The following CFAP221 variants were observed in gnomAD, a reference collection of about 807,000 sequenced individuals.
The protein encoded by CFAP221 is cilia and flagella associated protein 221, also known as cilia- and flagella-associated protein 221.
In CFAP221, 97 loss-of-function variants were observed where a neutral mutation model predicts 113.1. The ratio of observed to expected loss-of-function variants is 0.86; its 90% CI spans 0.73 to 1.02. The LOEUF (loss-of-function observed/expected upper bound fraction) is 1.02, where lower values mean the gene tolerates loss of function less well. Ranked by LOEUF, CFAP221 falls within the 50% of genes least tolerant of loss-of-function variation. The pLI, the probability that CFAP221 is intolerant of heterozygous loss-of-function variation, is 0.00. For synonymous variants in CFAP221, 331 were observed against 354.4 expected (o/e 0.93, Z 0.74); for missense variants, 1,025 against 1,013.4 (o/e 1.01, Z -0.16).
rs1266360739 is a variant in CFAP221, at chr2:119,638,244, C to T, written c.1975-15C>T. 1 of 1,612,768 alleles carries T rather than the reference C, an allele frequency of 6.2e-7. No homozygotes were observed. The highest frequency in any genetic ancestry group is 8.5e-7 in the Non-Finnish European group (1 of 1,179,286). The stretch of plus-strand genomic sequence containing the variant: ...TGGTAAACAGAAAAGAATATTTTTT[C>T]CCTGTCTTCGGCAGAATCCCAACCC... On this transcript the variant is annotated splice_polypyrimidine_tract_variant and intron_variant, in intron 19 of 23. Coordinates refer to ENST00000413369, the MANE Select transcript of CFAP221 (RefSeq NM_001271049.2).
intron 22 of CFAP221, among the ~76,000 whole-genome samples, chr2:119,650,091 C>T (rs1448752296): frequency 4.6e-5 from 7 of 152,220 alleles, no homozygotes; most frequent in African/African-American, 2.4e-5. Flanking sequence ...GTTTATTACA[C>T]ATGAGACTAC....
chr2:119,548,885 A>T (rs767518480), intron 2 of CFAP221, among the ~76,000 whole-genome samples, 200 bp from the exon 3 acceptor site: 63 of 152,228 alleles, frequency 4.1e-4, no homozygotes, highest in Non-Finnish European at 5.7e-4. Context: ...CTCCCAAGTG[A>T]TGTTTAAAAA....
intron 11 of CFAP221, among the ~76,000 whole-genome samples, chr2:119,608,029 G>T (rs1684888402): frequency 1.3e-5 from 2 of 152,158 alleles, no homozygotes; most frequent in South Asian, 4.1e-4. Context: ...ATACCTAGGC[G>T]TGGAACTGCT....
At chr2:119,588,136 A>T (rs1017301840) in intron 7 of CFAP221, among the ~76,000 whole-genome samples, 1 of 152,228 alleles carries the variant, frequency 6.6e-6, no homozygotes, top group Non-Finnish European at 1.5e-5. Flanking sequence ...AATATTTCAG[A>T]TGTTAAGTAT....
At chr2:119,657,434 A>G (rs1688480840), downstream of CFAP221, among the ~76,000 whole-genome samples, 1 of 152,208 alleles carries the variant, frequency 6.6e-6, no homozygotes, top group South Asian at 2.1e-4. Flanking sequence ...CTGGCATAAA[A>G]CAAGAGCTCA....
At chr2:119,562,996 A>G (rs754015096) in intron 6 of CFAP221, among the ~76,000 whole-genome samples, 1 of 152,114 alleles carries the variant, frequency 6.6e-6, no homozygotes, top group Non-Finnish European at 1.5e-5. Flanking sequence ...CAAAATAAAA[A>G]TTTAGAAGTT....
intron 19 of CFAP221, among the ~76,000 whole-genome samples, chr2:119,632,207 GA>G (rs936139492): frequency 3.3e-5 from 5 of 150,878 alleles, no homozygotes; most frequent in Admixed American, 1.3e-4. Flanking sequence ...GATATTACAG[GA>G]AAAAAAAGAA....
chr2:119,653,338 G>A (rs1316077080), intron 23 of CFAP221, among the ~76,000 whole-genome samples: 2 of 151,972 alleles, frequency 1.3e-5, no homozygotes, highest in Non-Finnish European at 1.5e-5. Context: ...CCAAGATCGC[G>A]CCATTGCACT....
At chr2:119,636,143 A>G (rs1271388103) in intron 19 of CFAP221, among the ~76,000 whole-genome samples, 2 of 152,338 alleles carry the variant, frequency 1.3e-5, no homozygotes, top group East Asian at 3.9e-4. Flanking sequence ...AAATAAGTAA[A>G]TAAGCCAAAC....
At chr2:119,649,104 T>C (rs1351186898) in intron 22 of CFAP221, among the ~76,000 whole-genome samples, 1 of 152,218 alleles carries the variant, frequency 6.6e-6, no homozygotes, top group Non-Finnish European at 1.5e-5. Flanking sequence ...CATGAATGAA[T>C]TGTGCCTATA....
intron 19 of CFAP221, among the ~76,000 whole-genome samples, chr2:119,635,828 A>G (rs988535431): frequency 6.6e-6 from 1 of 152,158 alleles, no homozygotes; most frequent in Admixed American, 6.5e-5. Flanking sequence ...GGGAGGGTAA[A>G]GGGCTCTGAG....
At chr2:119,618,677 A>C (rs1685687700) in intron 14 of CFAP221, among the ~76,000 whole-genome samples, 1 of 152,152 alleles carries the variant, frequency 6.6e-6, no homozygotes, top group Non-Finnish European at 1.5e-5. Context: ...GGCAGACACC[A>C]AGCCAGCTGC....
chr2:119,560,535 C>A (rs553696800), intron 5 of CFAP221, among the ~76,000 whole-genome samples: 2 of 152,134 alleles, frequency 1.3e-5, no homozygotes, highest in African/African-American at 4.8e-5. Context: ...CCTAATTCAT[C>A]CTTTGGCCTC....
At chr2:119,612,852 G>A (rs982984005) in intron 13 of CFAP221, among the ~76,000 whole-genome samples, 2 of 152,114 alleles carry the variant, frequency 1.3e-5, no homozygotes, top group Non-Finnish European at 1.5e-5. Context: ...ACTTATTCCA[G>A]CATTAACTCA....
chr2:119,656,008 C>T (rs1444900177), intron 23 of CFAP221: 3 of 247,846 alleles, frequency 1.2e-5, no homozygotes, highest in Admixed American at 9.9e-5. Context: ...ATTGACTGAG[C>T]ACTTAGAAGA....
chr2:119,638,456 G>A (rs747247303), intron 20 of CFAP221, 39 bp downstream of exon 20: 2 of 1,611,666 alleles, frequency 1.2e-6, no homozygotes, highest in African/African-American at 1.3e-5. Context: ...AGTGACCCTG[G>A]GCTGCAGGGA....
rs1684630942 is a variant in CFAP221 at position 119,604,938 on chromosome 2, T to C, written c.975T>C (p.Thr325=). Residue 325 remains threonine (T), a synonymous_variant, in exon 10 of 24, where the codon ACT becomes ACC. Transcript: ENST00000413369. ...TATCGAATCCATTTGCTGTGGCAAC[T>C]GTTTTAAACCAAGAACCAGGAAAAT... The part of the protein sequence containing the change: ...VDLSNPFAVA[T]VLNQEPGKLK... 6.2e-7 allele frequency: 1 copy of C among 1,614,070 alleles called. No homozygotes were observed. The highest frequency in any genetic ancestry group is 1.3e-5 in the African/African-American group (1 of 74,936).
chr2:119,610,291 G>A (rs1685061483), intron 12 of CFAP221, among the ~76,000 whole-genome samples: 4 of 152,140 alleles, frequency 2.6e-5, no homozygotes, highest in Admixed American at 2.0e-4. Flanking sequence ...GTGTGTCCAG[G>A]GGATTTTATC....
chr2:119,545,061 G>C (rs559425029), intron 1 of CFAP221: 1 of 152,082 alleles, frequency 6.6e-6, no homozygotes, highest in Admixed American at 6.6e-5. Context: ...AGAGGGGAGG[G>C]GAGGGGAGAA....
Sources: allele counts gnomAD v4.1 joint callset (sites outside exome capture counted in the v4.1 genomes callset), GRCh38; gene constraint gnomAD v4.1.1; transcripts MANE v1.5; gene names NCBI Gene and HGNC (gene_info 2026-07-23, HGNC 2026-07-21).